ELP2: variants seen among roughly 807,000 people sequenced by gnomAD.
ELP2 encodes elongator complex protein 2.
Under a neutral mutation model 119.2 loss-of-function variants are expected in ELP2, and 90 were observed. The observed-to-expected ratio is 0.75, with a 90% confidence interval of 0.64 to 0.90. ELP2 has a LOEUF of 0.90. Among genes scored for constraint, ELP2 ranks in the 40% least tolerant of loss-of-function variants. ELP2 has a pLI of 0.00. For synonymous variants in ELP2, 339 were observed against 331.0 expected (o/e 1.02, Z -0.26); for missense variants, 921 against 967.8 (o/e 0.95, Z 0.64).
At chr18:36,146,119 T>G (rs996845526) in intron 10 of ELP2, 71 bp downstream of exon 10, 90 of 1,560,024 alleles carry the variant, frequency 5.8e-5, no homozygotes, top group East Asian at 6.7e-5. Context: ...CAAGTCTATA[T>G]TGATAGACCT....
intron 9 of ELP2, 34 bp downstream of exon 9, chr18:36,145,068 C>G (rs778465993): frequency 6.6e-7 from 1 of 1,512,200 alleles, no homozygotes; most frequent in South Asian, 1.1e-5. Context: ...TCCCTTACTC[C>G]AGTTAAATCT....
At position 36,159,724 on chromosome 18, in the gene ELP2, C is replaced by T. The variant is rs774333169; in HGVS notation, c.1535-11C>T. 2.5e-6 allele frequency: 4 copies of T among 1,600,562 alleles called. No homozygotes were observed. Among genetic ancestry groups the T allele is most frequent in the Non-Finnish European group, 2.6e-6 (3 of 1,168,094 alleles). ...TAGTGACTATATTCTTGATGTGTTT[C>T]TTCAAACTAGGAGATATAGCTTCTC... On this transcript the variant is annotated splice_polypyrimidine_tract_variant and intron_variant, in intron 14 of 21. Transcript: ENST00000358232.
chr18:36,140,815 C>A (rs78602362), intron 5 of ELP2, among the ~76,000 whole-genome samples: 7,782 of 152,186 alleles, frequency 0.051, 257 homozygotes, highest in East Asian at 0.098. Context: ...TCATCTTGGT[C>A]TTTGGGCTGA....
chr18:36,159,047 A>ATAAG (rs2090653111), intron 14 of ELP2, 143 bp downstream of exon 14: 1 of 670,868 alleles, frequency 1.5e-6, no homozygotes, highest in Non-Finnish European at 2.7e-6. Flanking sequence ...CTATTTCGTG[A>ATAAG]TAAGTACTCT....
intron 6 of ELP2, among the ~76,000 whole-genome samples, chr18:36,141,879 C>A (rs978118943): frequency 6.6e-6 from 1 of 151,970 alleles, no homozygotes; most frequent in Non-Finnish European, 1.5e-5. Context: ...TTTGTAGACA[C>A]AGGGTCTCAC....
At chr18:36,151,113 C>G (rs538117594) in intron 11 of ELP2, among the ~76,000 whole-genome samples, 1 of 145,370 alleles carries the variant, frequency 6.9e-6, no homozygotes, top group Non-Finnish European at 1.5e-5. Flanking sequence ...GAGACAGTGT[C>G]TCACTCTGTT....
chr18:36,163,432 G>A (rs1457094558), intron 17 of ELP2, among the ~76,000 whole-genome samples: 1 of 151,612 alleles, frequency 6.6e-6, no homozygotes, highest in Admixed American at 6.6e-5. Flanking sequence ...TCCTAACAGT[G>A]TCTTTCAACT....
rs370635550 is a variant in ELP2, at chr18:36,146,242, T to C, written c.994-8T>C. 2.4e-5 allele frequency: 39 copies of C among 1,613,946 alleles called. No individual in the cohort carries two copies. Among genetic ancestry groups the C allele is most frequent in the African/African-American group, 4.0e-5 (3 of 74,924 alleles). On this transcript the variant is annotated splice_region_variant and splice_polypyrimidine_tract_variant and intron_variant, in intron 10 of 21. Transcript: ENST00000358232. ...ATTAAGAATTGTTTTCTGTCTGTTA[T>C]TGTACAGGTTCGAGTAGGTGAAGTA...
At chr18:36,137,231 C>G (rs1048133286) in intron 3 of ELP2, 2 of 152,046 alleles carry the variant, frequency 1.3e-5, no homozygotes, top group East Asian at 3.9e-4. Context: ...AGTGGCTGTT[C>G]ATAGGTAAGA....
chr18:36,172,265 C>T (rs555322020), intron 21 of ELP2, among the ~76,000 whole-genome samples: 2 of 152,150 alleles, frequency 1.3e-5, no homozygotes, highest in East Asian at 3.9e-4. Context: ...CCTGTCCCCC[C>T]CAAAAAAGTA....
intron 2 of ELP2, among the ~76,000 whole-genome samples, chr18:36,135,954 T>C (rs1348655669): frequency 6.6e-6 from 1 of 152,238 alleles, no homozygotes; most frequent in East Asian, 1.9e-4. Flanking sequence ...AATTGGGACA[T>C]TTTAATATGG....
intron 21 of ELP2, among the ~76,000 whole-genome samples, chr18:36,173,252 T>C (rs1444022671): frequency 6.6e-6 from 1 of 152,276 alleles, no homozygotes; most frequent in Non-Finnish European, 1.5e-5. Flanking sequence ...TCCAGTGATG[T>C]TGCTATCACT....
intron 9 of ELP2, chr18:36,145,265 C>T (rs1322361133): frequency 1.0e-5 from 5 of 492,806 alleles, no homozygotes; most frequent in African/African-American, 7.8e-5. Flanking sequence ...GCTGAAACTA[C>T]CACACCCCCA....
At position 36,129,945 on chromosome 18, in the gene ELP2, C is replaced by T. The variant is rs200956214; in HGVS notation, c.12C>T (p.Pro4=). Residue 4 remains proline, a synonymous_variant, in exon 1 of 22, where the codon CCC becomes CCT. Coordinates refer to ENST00000358232, the MANE Select transcript of ELP2 (RefSeq NM_018255.4). MVA[P]VLETSHVFCC... Reference sequence around the variant, plus strand: ...GACCAGTTGGCGACATGGTGGCACCCGTGCTGGAGACTTCTCACGTGTTTT... The same window carrying T: ...GACCAGTTGGCGACATGGTGGCACCTGTGCTGGAGACTTCTCACGTGTTTT... The T allele has an allele frequency of 2.5e-6, 4 of 1,614,084 alleles. No individual in the cohort carries two copies. In the African/African-American group the frequency reaches 4.0e-5, roughly 16 times the overall value.
rs142793034 is a variant in ELP2, at chr18:36,170,054, C to T, written c.2077-9C>T. The T allele has an allele frequency of 6.2e-7, 1 of 1,613,986 alleles. No individual in the cohort carries two copies. Among genetic ancestry groups the T allele is most frequent in the African/African-American group, 1.3e-5 (1 of 74,918 alleles). On this transcript the variant is annotated splice_polypyrimidine_tract_variant and intron_variant, in intron 19 of 21. Transcript: ENST00000358232. ...GAAGGCTTTACAGTGTGTGATCTGTCTGTATTAGGTGGTTGTCTGGGGTGA... is the reference window on the plus strand; with the variant it reads ...GAAGGCTTTACAGTGTGTGATCTGTTTGTATTAGGTGGTTGTCTGGGGTGA...
intron 17 of ELP2, 51 bp downstream of exon 17, chr18:36,161,055 C>T (rs1367105721): frequency 2.3e-6 from 3 of 1,330,764 alleles, no homozygotes; most frequent in Admixed American, 1.7e-5. Context: ...TTTGGGTCAT[C>T]AGGCTCCTGC....
At chr18:36,141,508 G>A (rs930491719) in intron 6 of ELP2, 1 of 370,664 alleles carries the variant, frequency 2.7e-6, no homozygotes, top group Non-Finnish European at 5.2e-6. Flanking sequence ...CATACCTACA[G>A]TGAAGCATTC....
chr18:36,144,144 G>C (rs927295912), intron 8 of ELP2, among the ~76,000 whole-genome samples: 2 of 151,966 alleles, frequency 1.3e-5, no homozygotes, highest in African/African-American at 4.8e-5. Flanking sequence ...TCAGAGTTGA[G>C]ATTTTGGTAA....
chr18:36,143,038 C>T, intron 8 of ELP2, 72 bp downstream of exon 8: 2 of 1,053,046 alleles, frequency 1.9e-6, no homozygotes, highest in East Asian at 2.5e-5. Flanking sequence ...TTTTCACCAC[C>T]CACCTATGTG....
Sources: gnomAD v4.1 joint callset for allele counts (sites outside exome capture counted in the v4.1 genomes callset) on GRCh38, gnomAD v4.1.1 for gene constraint, MANE v1.5 for transcripts, NCBI Gene and HGNC (gene_info 2026-07-23, HGNC 2026-07-21) for gene names.